Variants in PCDHGB2 observed in about 807,000 individuals in gnomAD.
PCDHGB2 encodes the protein protocadherin gamma subfamily B, 2.
PCDHGB2 carries 55 observed loss-of-function variants against 59.3 expected under a neutral mutation model. That is an observed-to-expected ratio of 0.93 (90% CI 0.75 to 1.16). PCDHGB2 has a LOEUF of 1.16. Ranked by LOEUF, PCDHGB2 falls within the 50% of genes most tolerant of loss-of-function variation. The pLI is 0.00. For synonymous variants in PCDHGB2, 516 were observed against 512.0 expected (o/e 1.01, Z -0.11); for missense variants, 1,228 against 1,198.5 (o/e 1.02, Z -0.36).
At chr5:141,479,823 G>A (rs1208437635) in intron 1 of PCDHGB2, among the ~76,000 whole-genome samples, 1 of 152,172 alleles carries the variant, frequency 6.6e-6, no homozygotes, top group Admixed American at 6.5e-5. Context: ...TACTATCCAA[G>A]GCATGGTATC....
At chr5:141,403,281 T>A in intron 1 of PCDHGB2, 1 of 1,613,908 alleles carries the variant, frequency 6.2e-7, no homozygotes, top group Non-Finnish European at 8.5e-7. Context: ...AAAGTCCTGG[T>A]TGAAGACAGA....
In PCDHGB2 at chr5:141,364,723, G is replaced by A. The variant is rs746438679; in HGVS notation, c.2421+2167G>A. On this transcript the variant is annotated intron_variant, in intron 1 of 3. Coordinates refer to ENST00000522605, the MANE Select transcript of PCDHGB2 (RefSeq NM_018923.3). ...TAATCGATATTAATGATAACTTCCC[G>A]CGTTTCCGGGATGAAGAGTTAAAAG... 4 of 1,613,938 alleles carry A rather than the reference G, an allele frequency of 2.5e-6. No homozygotes were observed. The East Asian group carries it at 6.7e-5, about 27-fold the overall frequency.
At chr5:141,457,469 AG>A (rs1170841505) in intron 1 of PCDHGB2, among the ~76,000 whole-genome samples, 1 of 152,226 alleles carries the variant, frequency 6.6e-6, no homozygotes, top group Non-Finnish European at 1.5e-5. Context: ...CACAGGAATA[AG>A]CAGGGCCAGG....
chr5:141,428,121 G>T (rs764584436), intron 1 of PCDHGB2: 1 of 1,605,860 alleles, frequency 6.2e-7, no homozygotes. Context: ...CATCGAGCCC[G>T]GGCTTTTCAG....
intron 1 of PCDHGB2, chr5:141,389,021 A>G: frequency 6.2e-7 from 1 of 1,614,004 alleles, no homozygotes; most frequent in Non-Finnish European, 8.5e-7. Context: ...ACAATGGAGA[A>G]GTGACTTGTA....
chr5:141,399,321 T>C (rs1356696829), intron 1 of PCDHGB2: 2 of 1,613,978 alleles, frequency 1.2e-6, no homozygotes, highest in Admixed American at 1.7e-5. Context: ...AAAATTCGTA[T>C]AAGTTGGTAA....
At chr5:141,502,534 C>T (rs565889110) in intron 2 of PCDHGB2, among the ~76,000 whole-genome samples, 10 of 152,074 alleles carry the variant, frequency 6.6e-5, no homozygotes, top group Non-Finnish European at 1.0e-4. Context: ...CGAGTTTGTT[C>T]GTGTGGTAAA....
At chr5:141,468,755 A>G (rs918829539) in intron 1 of PCDHGB2, among the ~76,000 whole-genome samples, 3 of 151,976 alleles carry the variant, frequency 2.0e-5, no homozygotes, top group African/African-American at 7.2e-5. Flanking sequence ...AGTCCCAGCT[A>G]CTCGGGAGGC....
In PCDHGB2 at chr5:141,431,414, G is replaced by A. The variant is rs1184197093; in HGVS notation, c.2422-63393G>A. On this transcript the variant is annotated intron_variant, in intron 1 of 3. Coordinates refer to ENST00000522605, the MANE Select transcript of PCDHGB2 (RefSeq NM_018923.3). The surrounding 1 kb of genome is among the most constrained non-coding windows in gnomAD (Gnocchi z 4.8). ...GGTCCTTACGGCCTCCGACGGGGGC[G>A]ACCCGGTGCGCACAGGCACCGCGCG... The A allele has an allele frequency of 6.2e-7, 1 of 1,613,658 alleles. No homozygotes were observed. The highest frequency in any genetic ancestry group is 1.7e-5 in the Admixed American group (1 of 60,026).
intron 1 of PCDHGB2, among the ~76,000 whole-genome samples, chr5:141,444,192 A>ATT: frequency 1.9e-5 from 1 of 52,730 alleles, no homozygotes; most frequent in African/African-American, 7.7e-5. Flanking sequence ...TTTTTTTGAG[A>ATT]TGGAGTTTCA....
In PCDHGB2 at chr5:141,361,816, C is replaced by G; in HGVS notation, c.1681C>G (p.Arg561Gly). 1.2e-6 allele frequency: 2 copies of G among 1,613,084 alleles called. No individual in the cohort carries two copies. The highest frequency in any genetic ancestry group is 1.7e-6 in the Non-Finnish European group (2 of 1,179,730). ...LVGDLNDNAP[R>G]VLYPALGPDG... ...GGGCGACCTCAATGACAATGCGCCACGGGTGCTGTACCCCGCGCTGGGGCC... is the reference window on the plus strand; with the variant it reads ...GGGCGACCTCAATGACAATGCGCCAGGGGTGCTGTACCCCGCGCTGGGGCC... Residue 561 changes from arginine to glycine, a missense_variant, in exon 1 of 4, where the codon CGG (arginine) becomes GGG (glycine). Arg to Gly is a moderately radical substitution (Grantham distance 125). Around this residue, in one of 3 missense-constraint regions of PCDHGB2, gnomAD observed 781 missense variants for 721.6 expected, o/e 1.08. Coordinates refer to ENST00000522605, the MANE Select transcript of PCDHGB2 (RefSeq NM_018923.3).
chr5:141,393,056 C>T, intron 1 of PCDHGB2: 2 of 1,613,606 alleles, frequency 1.2e-6, no homozygotes, highest in Non-Finnish European at 1.7e-6. Flanking sequence ...ACCCGCGCAG[C>T]GGCAGCTTGA....
chr5:141,482,890 G>C (rs577635020), intron 1 of PCDHGB2, among the ~76,000 whole-genome samples: 10 of 152,274 alleles, frequency 6.6e-5, no homozygotes, highest in African/African-American at 2.4e-4. Flanking sequence ...TGGCCAACAT[G>C]GTGAAACCTC....
chr5:141,365,827 G>A (rs746773273), intron 1 of PCDHGB2: 1 of 1,613,872 alleles, frequency 6.2e-7, no homozygotes, highest in Admixed American at 1.7e-5. Context: ...TTCAGGGGGC[G>A]CCCTTGTCCT....
At chr5:141,419,991 T>C (rs1192003266) in intron 1 of PCDHGB2, 1 of 1,614,078 alleles carries the variant, frequency 6.2e-7, no homozygotes. Context: ...ATTCTAGCTA[T>C]TGCTCTACGC....
intron 1 of PCDHGB2, chr5:141,382,981 G>A (rs781148657): frequency 6.2e-7 from 1 of 1,612,324 alleles, no homozygotes; most frequent in Non-Finnish European, 8.5e-7. Flanking sequence ...GGAAGCCTGG[G>A]CAGGACGTAT....
intron 1 of PCDHGB2, among the ~76,000 whole-genome samples, chr5:141,458,982 C>G (rs2098958289): frequency 6.6e-6 from 1 of 152,164 alleles, no homozygotes; most frequent in Admixed American, 6.5e-5. Flanking sequence ...GTCCTCCTGC[C>G]TCACCCTCCC....
intron 1 of PCDHGB2, among the ~76,000 whole-genome samples, chr5:141,460,050 C>T (rs1477206197): frequency 6.6e-6 from 1 of 152,064 alleles, no homozygotes; most frequent in Non-Finnish European, 1.5e-5. Context: ...TGCACTCCAG[C>T]CTGGGCAACA....
chr5:141,421,533 C>T (rs80184002), intron 1 of PCDHGB2: 1 of 1,614,044 alleles, frequency 6.2e-7, no homozygotes, highest in African/African-American at 1.3e-5. Flanking sequence ...CGGTGTCCTC[C>T]TGTTTTTTAA....
Sources: gnomAD v4.1 joint callset for allele counts (sites outside exome capture counted in the v4.1 genomes callset) on GRCh38, gnomAD v4.1.1 for gene constraint, gnomAD v4.1.1 regional missense constraint, Gnocchi (gnomAD v3.1) non-coding constraint, MANE v1.5 for transcripts, NCBI Gene and HGNC (gene_info 2026-07-23, HGNC 2026-07-21) for gene names.